Variants in UNC13C observed in about 807,000 individuals in gnomAD.
UNC13C encodes unc-13 homolog C, also known as protein unc-13 homolog C.
A neutral mutation model predicts 245.4 loss-of-function variants in UNC13C; 174 were observed. The ratio of observed to expected loss-of-function variants is 0.71; its 90% CI spans 0.63 to 0.80. The LOEUF (loss-of-function observed/expected upper bound fraction) is 0.80. Among genes scored for constraint, UNC13C ranks in the 30% least tolerant of loss-of-function variants. The pLI, the probability that UNC13C is intolerant of heterozygous loss-of-function variation, is 0.00. For synonymous variants in UNC13C, 992 were observed against 895.1 expected (o/e 1.11, Z -1.93); for missense variants, 2,829 against 2,602.9 (o/e 1.09, Z -1.89).
At chr15:54,238,516 C>T (rs1300223363) in intron 7 of UNC13C, among the ~76,000 whole-genome samples, 2 of 152,104 alleles carry the variant, frequency 1.3e-5, no homozygotes, top group Non-Finnish European at 2.9e-5. Context: ...GTTCTCTCAT[C>T]TACAAAGAGA....
At chr15:54,407,922 C>T (rs7167110) in intron 18 of UNC13C, among the ~76,000 whole-genome samples, 17,594 of 151,812 alleles carry the variant, frequency 0.12, 2,002 homozygotes, top group African/African-American at 0.3. Context: ...AAAGAATGGG[C>T]GGGGTGCGGT....
At position 54,014,614 on chromosome 15, in the gene UNC13C, A is replaced by T. The variant is rs1376676775; in HGVS notation, c.1711A>T (p.Thr571Ser). Residue 571 changes from threonine to serine, a missense_variant, in exon 2 of 33, where the codon ACT (threonine) becomes TCT (serine). Transcript: ENST00000260323. Reference sequence around the variant, plus strand: ...AGATTTTTCAGAAAATCAGTTTTTCACTAGAACTAATGGAAGCTCTCTCCT... The same window carrying T: ...AGATTTTTCAGAAAATCAGTTTTTCTCTAGAACTAATGGAAGCTCTCTCCT... Reference protein sequence around the residue: ...SEDFSENQFFTRTNGSSLLSS... With the variant: ...SEDFSENQFFSRTNGSSLLSS... The T allele has an allele frequency of 6.2e-7, 1 of 1,613,702 alleles. No homozygotes were observed. Among genetic ancestry groups the T allele is most frequent in the Admixed American group, 1.7e-5 (1 of 59,924 alleles).
chr15:54,232,980 G>A (rs1329872422), intron 4 of UNC13C, among the ~76,000 whole-genome samples: 1 of 152,162 alleles, frequency 6.6e-6, no homozygotes, highest in Non-Finnish European at 1.5e-5. Context: ...AAGATGACAG[G>A]AGGGAAGCAA....
chr15:53,895,345 C>CAAAAAA, the UNC13C span, among the ~76,000 whole-genome samples: 13 of 34,216 alleles, frequency 3.8e-4, no homozygotes, highest in Admixed American at 9.2e-4. Context: ...GATTTCATCT[C>CAAAAAA]AAAAAAAAAA....
At chr15:54,061,182 A>G (rs1179078641) in intron 2 of UNC13C, among the ~76,000 whole-genome samples, 3 of 152,090 alleles carry the variant, frequency 2.0e-5, no homozygotes, top group Non-Finnish European at 4.4e-5. Flanking sequence ...AGAAATTAAC[A>G]TCTTAGGAGC....
At chr15:54,020,239 C>T (rs1283511516) in intron 2 of UNC13C, among the ~76,000 whole-genome samples, 2 of 151,376 alleles carry the variant, frequency 1.3e-5, no homozygotes, top group African/African-American at 4.9e-5. Context: ...GAGATAAAAT[C>T]AGTCTAAGGA....
At chr15:54,452,233 C>T (rs918521692) in intron 19 of UNC13C, among the ~76,000 whole-genome samples, 1 of 152,148 alleles carries the variant, frequency 6.6e-6, no homozygotes, top group Non-Finnish European at 1.5e-5. Flanking sequence ...TCCAGGAGGG[C>T]CAATTCTTGG....
the UNC13C span, among the ~76,000 whole-genome samples, chr15:53,935,264 A>T: frequency 6.6e-6 from 1 of 152,178 alleles, no homozygotes; most frequent in Admixed American, 6.5e-5. Flanking sequence ...CCACAGTAAG[A>T]AACCATAATG....
At chr15:54,289,016 C>T (rs920650485) in intron 10 of UNC13C, among the ~76,000 whole-genome samples, 9 of 152,048 alleles carry the variant, frequency 5.9e-5, no homozygotes, top group African/African-American at 2.2e-4. Flanking sequence ...GCTGGAAAAG[C>T]CCTAGGGCAA....
chr15:54,036,712 C>G (rs1489045766), intron 2 of UNC13C, among the ~76,000 whole-genome samples: 1 of 152,242 alleles, frequency 6.6e-6, no homozygotes, highest in Non-Finnish European at 1.5e-5. Context: ...TCTCTCCTTT[C>G]TTCTCATCCA....
intron 6 of UNC13C, 53 bp from the exon 7 acceptor site, chr15:54,237,566 T>A: frequency 7.5e-7 from 1 of 1,334,052 alleles, no homozygotes; most frequent in Non-Finnish European, 1.1e-6. Flanking sequence ...CTGAGCAGTA[T>A]ATGCACGTCA....
At chr15:53,872,029 C>T in the UNC13C span, among the ~76,000 whole-genome samples, 1 of 152,164 alleles carries the variant, frequency 6.6e-6, no homozygotes, top group Non-Finnish European at 1.5e-5. Context: ...CTGCAGAGAG[C>T]AACTATTATG....
chr15:54,339,138 G>C (rs1349788757), intron 17 of UNC13C, among the ~76,000 whole-genome samples: 1 of 152,172 alleles, frequency 6.6e-6, no homozygotes, highest in Non-Finnish European at 1.5e-5. Flanking sequence ...AAAGTGCTGG[G>C]ATTATAGGCA....
chr15:54,363,962 ACAT>A (rs2039297281), intron 17 of UNC13C, among the ~76,000 whole-genome samples: 1 of 152,230 alleles, frequency 6.6e-6, no homozygotes, highest in African/African-American at 2.4e-5. Flanking sequence ...CAAGTGTCAT[ACAT>A]TTGCGTAAAT....
chr15:54,308,083 C>T (rs548301704), intron 13 of UNC13C, among the ~76,000 whole-genome samples: 57 of 151,964 alleles, frequency 3.8e-4, no homozygotes, highest in African/African-American at 1.4e-3. Context: ...TTCCAATCAC[C>T]TTGTTCTTCT....
At chr15:54,440,627 G>T (rs1890470351) in intron 19 of UNC13C, among the ~76,000 whole-genome samples, 1 of 151,954 alleles carries the variant, frequency 6.6e-6, no homozygotes, top group African/African-American at 2.4e-5. Context: ...TGGGGCTGTA[G>T]ATATCTCTTT....
At chr15:54,094,552 T>G (rs1899748038) in intron 2 of UNC13C, among the ~76,000 whole-genome samples, 1 of 152,214 alleles carries the variant, frequency 6.6e-6, no homozygotes, top group African/African-American at 2.4e-5. Flanking sequence ...AACAACTGTT[T>G]GTCTTCTACT....
the UNC13C span, among the ~76,000 whole-genome samples, chr15:53,858,014 A>T: frequency 0.018 from 2,777 of 152,320 alleles, 95 homozygotes; most frequent in African/African-American, 0.064. Context: ...TTAATTTGGA[A>T]CATGTTATTA....
chr15:54,002,023 A>G (rs927061112), intron 1 of UNC13C, among the ~76,000 whole-genome samples: 1 of 152,200 alleles, frequency 6.6e-6, no homozygotes, highest in Admixed American at 6.5e-5. Context: ...GTGGTGGCTC[A>G]CGCCTGTAAT....
Sources: allele counts gnomAD v4.1 joint callset (sites outside exome capture counted in the v4.1 genomes callset), GRCh38; gene constraint gnomAD v4.1.1; transcripts MANE v1.5; gene names NCBI Gene and HGNC (gene_info 2026-07-23, HGNC 2026-07-21).